LRMDA: variants seen among roughly 807,000 people sequenced by gnomAD.
LRMDA encodes the protein leucine rich melanocyte differentiation associated.
In LRMDA, 18 loss-of-function variants were observed where a neutral mutation model predicts 29.8. The ratio of observed to expected loss-of-function variants is 0.60; its 90% confidence interval spans 0.42 to 0.90. The LOEUF (loss-of-function observed/expected upper bound fraction) is 0.90, where lower values mean the gene tolerates loss of function less well. Ranked by LOEUF, LRMDA falls within the 40% of genes least tolerant of loss-of-function variation. The probability of loss-of-function intolerance (pLI) is 0.00; values close to 1 mark genes in which losing one functional copy is unlikely to be tolerated. For synonymous variants in LRMDA, 125 were observed against 109.4 expected, an observed-to-expected ratio of 1.14 and a Z score of -0.89; for missense variants, 273 against 273.9, an observed-to-expected ratio of 1.00 and a Z score of 0.02.
intron 6 of LRMDA, among the ~76,000 whole-genome samples, chr10:76,435,972 A>G (rs1842240586): frequency 6.6e-6 from 1 of 152,202 alleles, no homozygotes; most frequent in Admixed American, 6.5e-5. Context: ...AAAATGCTTT[A>G]ATTTTTGGGA....
intron 6 of LRMDA, among the ~76,000 whole-genome samples, chr10:76,434,575 A>G (rs529015528): frequency 6.6e-6 from 1 of 152,180 alleles, no homozygotes; most frequent in Non-Finnish European, 1.5e-5. Flanking sequence ...TCATCCATCC[A>G]TGAGTACCTT....
intron 5 of LRMDA, among the ~76,000 whole-genome samples, chr10:76,087,947 C>A (rs981985831): frequency 1.3e-5 from 2 of 152,090 alleles, no homozygotes; most frequent in African/African-American, 4.8e-5. Flanking sequence ...CATGCAGACC[C>A]TGTCTCTACA....
intron 2 of LRMDA, among the ~76,000 whole-genome samples, chr10:75,909,449 C>A (rs1229219206): frequency 6.6e-6 from 1 of 152,042 alleles, no homozygotes; most frequent in South Asian, 2.1e-4. Context: ...GATGCTGTGG[C>A]GTATCCTCTG....
At chr10:76,078,910 G>T (rs1315029193) in intron 5 of LRMDA, among the ~76,000 whole-genome samples, 4 of 152,120 alleles carry the variant, frequency 2.6e-5, no homozygotes, top group Non-Finnish European at 5.9e-5. Context: ...TCACCCATTG[G>T]CTAGTTTCTA....
chr10:76,238,702 A>G (rs565413506), intron 5 of LRMDA, among the ~76,000 whole-genome samples: 83 of 151,350 alleles, frequency 5.5e-4, no homozygotes, highest in African/African-American at 1.9e-3. Context: ...AACACGGACA[A>G]CATCAACAAT....
At chr10:75,593,849 G>T (rs1359147494) in intron 2 of LRMDA, among the ~76,000 whole-genome samples, 1 of 150,852 alleles carries the variant, frequency 6.6e-6, no homozygotes, top group African/African-American at 2.4e-5. Flanking sequence ...GTGGCCGTCA[G>T]CCTGAGAGAG....
intron 2 of LRMDA, 34 bp downstream of exon 2, chr10:75,438,528 G>C (rs1309319186): frequency 1.3e-6 from 2 of 1,506,284 alleles, no homozygotes; most frequent in South Asian, 2.4e-5. Context: ...GGCCAGGCCT[G>C]GGAGGCCCAG....
chr10:75,441,009 C>G, intron 2 of LRMDA, among the ~76,000 whole-genome samples: 1 of 151,396 alleles, frequency 6.6e-6, no homozygotes, highest in East Asian at 1.9e-4. Flanking sequence ...TGTACTCCAG[C>G]CTGGGCAACA....
chr10:76,303,924 C>T (rs538255960), intron 5 of LRMDA, among the ~76,000 whole-genome samples: 1 of 152,128 alleles, frequency 6.6e-6, no homozygotes, highest in South Asian at 2.1e-4. Flanking sequence ...CACTACAGCA[C>T]CCCCTTCTGC....
At chr10:76,254,294 C>T (rs973509287) in intron 5 of LRMDA, among the ~76,000 whole-genome samples, 3 of 100,396 alleles carry the variant, frequency 3.0e-5, no homozygotes, top group African/African-American at 1.2e-4. Context: ...CTATACTATA[C>T]TATACTATAC....
intron 2 of LRMDA, among the ~76,000 whole-genome samples, chr10:75,572,367 C>A (rs958732466): frequency 6.6e-6 from 1 of 150,966 alleles, no homozygotes; most frequent in Non-Finnish European, 1.5e-5. Flanking sequence ...GTGCAGTTAT[C>A]GCCATTTACC....
chr10:75,886,323 G>A (rs1354877890), intron 2 of LRMDA, among the ~76,000 whole-genome samples: 1 of 152,202 alleles, frequency 6.6e-6, no homozygotes, highest in East Asian at 1.9e-4. Flanking sequence ...TATTGCTAAA[G>A]TCATAAATGA....
At chr10:75,796,505 G>A (rs12258277) in intron 2 of LRMDA, among the ~76,000 whole-genome samples, 6,570 of 152,222 alleles carry the variant, frequency 0.043, 384 homozygotes, top group African/African-American at 0.13. Context: ...TCACCTTGCA[G>A]TACTCAGATG....
intron 4 of LRMDA, among the ~76,000 whole-genome samples, chr10:76,051,564 G>A (rs1046396510): frequency 3.3e-5 from 5 of 152,276 alleles, no homozygotes; most frequent in Admixed American, 2.0e-4. Context: ...TCTCACAGTC[G>A]TCATTTACTT....
chr10:75,491,089 A>G (rs1489931007), intron 2 of LRMDA, among the ~76,000 whole-genome samples: 1 of 152,154 alleles, frequency 6.6e-6, no homozygotes, highest in Non-Finnish European at 1.5e-5. Context: ...ATGGAAATGC[A>G]TTTTCTTTGA....
intron 2 of LRMDA, among the ~76,000 whole-genome samples, chr10:75,453,355 G>C (rs1253282550): frequency 6.6e-6 from 1 of 152,178 alleles, no homozygotes; most frequent in Non-Finnish European, 1.5e-5. Flanking sequence ...CATGAGTGGG[G>C]AAAAACATAG....
rs577811233 is a variant in LRMDA at position 76,147,846 on chromosome 10, C to T, written c.516+89063C>T. On this transcript the variant is annotated intron_variant, in intron 5 of 6. Coordinates refer to ENST00000611255, the MANE Select transcript of LRMDA (RefSeq NM_001305581.2). ...TACCTTTGGTCTTTGATGATGGTGA[C>T]GTACAGATGCACTTTTTGTGTGGAT... Among the ~76,000 whole-genome samples, 10 of 152,214 alleles carry T rather than the reference C, an allele frequency of 6.6e-5. No homozygotes were observed. The East Asian group carries it at 1.5e-3, about 24-fold the overall frequency.
At chr10:75,913,457 G>C (rs1439320242) in intron 2 of LRMDA, among the ~76,000 whole-genome samples, 1 of 152,014 alleles carries the variant, frequency 6.6e-6, no homozygotes, top group Non-Finnish European at 1.5e-5. Flanking sequence ...CTCCGTCTTG[G>C]GGGGAAAAAA....
chr10:75,662,913 T>G (rs994449891), intron 2 of LRMDA, among the ~76,000 whole-genome samples: 1 of 152,188 alleles, frequency 6.6e-6, no homozygotes, highest in African/African-American at 2.4e-5. Flanking sequence ...ATGAAGCATT[T>G]GAGAGCTGGA....
Sources: allele counts gnomAD v4.1 joint callset (sites outside exome capture counted in the v4.1 genomes callset), GRCh38; gene constraint gnomAD v4.1.1; transcripts MANE v1.5; gene names NCBI Gene and HGNC (gene_info 2026-07-23, HGNC 2026-07-21).